Variants in CDAN1 observed in about 807,000 individuals in gnomAD.
CDAN1 encodes codanin 1.
In CDAN1, 107 loss-of-function variants were observed where a neutral mutation model predicts 139.8. The ratio of observed to expected loss-of-function variants is 0.77; its 90% confidence interval spans 0.65 to 0.90. The LOEUF is 0.90. Among genes scored for constraint, CDAN1 ranks in the 40% least tolerant of loss-of-function variants. CDAN1 has a pLI of 0.00. For missense variants in CDAN1, 1,667 were observed against 1,575.7 expected, an observed-to-expected ratio of 1.06 and a Z score of -0.98; for synonymous variants, 776 against 660.6, an observed-to-expected ratio of 1.17 and a Z score of -2.68.
At chr15:42,726,056 G>A (rs375739663) in intron 25 of CDAN1, 41 bp downstream of exon 25, 1 of 1,567,426 alleles carries the variant, frequency 6.4e-7, no homozygotes, top group Non-Finnish European at 8.8e-7. Flanking sequence ...TGAGATTTGG[G>A]GGATCAGGCA....
rs764485826 is a variant in CDAN1, at chr15:42,727,574, A to AG, written c.3096+46dup. ...AGAAAGGAAAAACCAGGAACAGAGCAGGGGGGTGGGAGCAGGGAAGCCAAA... is the reference window on the plus strand; with the variant it reads ...AGAAAGGAAAAACCAGGAACAGAGCAGGGGGGGTGGGAGCAGGGAAGCCAAA... On this transcript the variant is annotated intron_variant, in intron 23 of 27. Coordinates refer to ENST00000356231, the MANE Select transcript of CDAN1 (RefSeq NM_138477.4). 26 of 1,480,112 alleles carry AG rather than the reference A, an allele frequency of 1.8e-5. No individual in the cohort carries two copies. In the Middle Eastern group the frequency reaches 1.9e-3, roughly 110 times the overall value. 91.7% of individuals were successfully genotyped at this position (1,480,112 alleles called of 1,614,324 possible). A position where few individuals can be genotyped will look rare whatever the true frequency, so the allele number is the denominator to read the frequency against.
Position 42,724,614 on chromosome 15 carries a change from G to C in CDAN1, c.3561C>G (p.Asp1187Glu). ...GSLHQAQWPGDFAEELATLSN... is the reference protein window; with the variant it reads ...GSLHQAQWPGEFAEELATLSN... ...ACAGTGTTGCTAATTCTTCAGCAAA[G>C]TCCTGGAATACATAGAAAGATGAGG... The change falls in exon 28 of 28, where the codon GAC becomes GAG. Residue 1187 changes from aspartate (D) to glutamate (E), a missense_variant and splice_region_variant. Coordinates refer to ENST00000356231, the MANE Select transcript of CDAN1 (RefSeq NM_138477.4). The C allele has an allele frequency of 6.4e-7, 1 of 1,552,188 alleles. No individual in the cohort carries two copies. Among genetic ancestry groups the C allele is most frequent in the Non-Finnish European group, 8.7e-7 (1 of 1,147,038 alleles).
Position 42,725,680 on chromosome 15 carries a change from G to C in CDAN1, c.3269-10C>G. The C allele has an allele frequency of 6.2e-7, 1 of 1,613,966 alleles. No individual in the cohort carries two copies. The highest frequency in any genetic ancestry group is 1.7e-5 in the Admixed American group (1 of 59,998). On this transcript the variant is annotated splice_polypyrimidine_tract_variant and intron_variant, in intron 25 of 27. Transcript: ENST00000356231. ...GGAATTTGATCTGCAACTGTGGAAA[G>C]AGGAAAGCCAAGCTTTAAAAGATGG...
Position 42,735,125 on chromosome 15 carries a change from C to A in CDAN1, c.1111G>T (p.Val371Leu). 1 of 1,613,908 alleles carries A rather than the reference C, an allele frequency of 6.2e-7. No homozygotes were observed. The highest frequency in any genetic ancestry group is 1.1e-5 in the South Asian group (1 of 91,068). The change falls in exon 6 of 28, where the codon GTG becomes TTG. Residue 371 changes from valine to leucine, a missense_variant. Around this residue, in one of 3 missense-constraint regions of CDAN1, gnomAD observed 244 missense variants for 309.4 expected, o/e 0.79. Coordinates refer to ENST00000356231, the MANE Select transcript of CDAN1 (RefSeq NM_138477.4). The stretch of plus-strand genomic sequence containing the variant: ...TGAAAGTGACACTCCAAAACCTGCA[C>A]TGCAAAGAAGACACAATCGTGGATG... ...QSIHDCVFFA[V>L]QVLECHFQVL...
Position 42,730,709 on chromosome 15 carries a change from CGGCG to C in CDAN1, c.2059_2062del (p.Arg687GlyfsTer53). 6.2e-7 allele frequency: 1 copy of C among 1,613,458 alleles called. No homozygotes were observed. Among genetic ancestry groups the C allele is most frequent in the Non-Finnish European group, 8.5e-7 (1 of 1,179,714 alleles). On this transcript the variant is annotated frameshift_variant, in exon 14 of 28. Coordinates refer to ENST00000356231, the MANE Select transcript of CDAN1 (RefSeq NM_138477.4). LOFTEE classifies it high-confidence loss of function. ...CAGCCAGGGCACGGTGAGCACCGCCCGGCGGGCCTGCAGCCCTCGCTGCAGCAGA... is the reference window on the plus strand; with the variant it reads ...CAGCCAGGGCACGGTGAGCACCGCCCGGCCTGCAGCCCTCGCTGCAGCAGA...
At chr15:42,728,515 T>TTATAGAGA in intron 20 of CDAN1, 137 bp downstream of exon 20, 1 of 1,296,360 alleles carries the variant, frequency 7.7e-7, no homozygotes, top group Non-Finnish European at 1.1e-6. Context: ...AGTGCAGGGC[T>TTATAGAGA]TATAGAGAAT....
chr15:42,725,576 C>G lies in CDAN1; in HGVS notation c.3363G>C (p.Trp1121Cys), dbSNP rs1367139829. 2.5e-6 allele frequency: 4 copies of G among 1,614,050 alleles called. No homozygotes were observed. Among genetic ancestry groups the G allele is most frequent in the Non-Finnish European group, 3.4e-6 (4 of 1,180,046 alleles). Residue 1121 changes from tryptophan (W) to cysteine (C), a missense_variant, in exon 26 of 28, where the codon TGG (tryptophan) becomes TGC (cysteine). Around this residue, in one of 3 missense-constraint regions of CDAN1, gnomAD observed 936 missense variants for 844.1 expected, o/e 1.11. Transcript: ENST00000356231. ...GAACCGGCCCCTGAAAGTCTTCCTT[C>G]CACAAGGAAAGCAGCATGTGCAGAA... ...RRLLHMLLSL[W>C]KEDFQGPVPL...
chr15:42,729,278 G>GT lies in CDAN1; in HGVS notation c.2491dup (p.Thr831AsnfsTer173), dbSNP rs1566982531. ...AGGCTGGGCTCCCAGGCTGGTGGTA[G>GT]TGGTGGGGGTGATTTTCCTCATGAA... On this transcript the variant is annotated frameshift_variant, in exon 18 of 28. Transcript: ENST00000356231. LOFTEE classifies it high-confidence loss of function. The GT allele has an allele frequency of 1.2e-6, 2 of 1,613,978 alleles. No individual in the cohort carries two copies. Among genetic ancestry groups the GT allele is most frequent in the South Asian group, 2.2e-5 (2 of 91,082 alleles).
intron 12 of CDAN1, 62 bp downstream of exon 12, chr15:42,731,149 T>C: frequency 6.2e-7 from 1 of 1,614,212 alleles, no homozygotes; most frequent in Non-Finnish European, 8.5e-7. Context: ...AAAGTTTTTC[T>C]TGAACATACT....
At chr15:42,726,585 A>G (rs1271918060) in intron 23 of CDAN1, 168 bp from the exon 24 acceptor site, 2 of 611,258 alleles carry the variant, frequency 3.3e-6, no homozygotes, top group Non-Finnish European at 5.9e-6. Context: ...AGGATAATAC[A>G]GCCAGGGGAA....
rs537770681 is a variant in CDAN1, at chr15:42,724,377, G to A, written c.*114C>T. 5.1e-5 allele frequency: 71 copies of A among 1,403,916 alleles called. 1 individual carries two copies. The Admixed American group carries it at 8.3e-4, about 16-fold the overall frequency. 87.0% of individuals were successfully genotyped at this position (1,403,916 alleles called of 1,614,324 possible). ...CACCCTTAGAGCAGGAAGTCTGACT[G>A]TAGACCCAGCTACACCCCAACCAGT... On this transcript the variant is annotated 3_prime_UTR_variant, in exon 28 of 28. Coordinates refer to ENST00000356231, the MANE Select transcript of CDAN1 (RefSeq NM_138477.4).
chr15:42,728,723 T>C lies in CDAN1; in HGVS notation c.2733A>G (p.Pro911=). Residue 911 remains proline (P), a synonymous_variant, in exon 20 of 28, where the codon CCA becomes CCG. Coordinates refer to ENST00000356231, the MANE Select transcript of CDAN1 (RefSeq NM_138477.4). ...LVTQGEEGGD[P]AQLLEILCSQ... is the part of the protein sequence containing the mutation. ...AACACAAGATCTCCAACAGCTGGGC[T>C]GGGTCTCCCCCTTCCTCTCCCTGTG... The C allele has an allele frequency of 6.2e-7, 1 of 1,614,190 alleles. No homozygotes were observed. The highest frequency in any genetic ancestry group is 8.5e-7 in the Non-Finnish European group (1 of 1,180,040).
chr15:42,728,577 A>G, intron 20 of CDAN1, 75 bp downstream of exon 20: 1 of 1,577,360 alleles, frequency 6.3e-7, no homozygotes, highest in Non-Finnish European at 8.7e-7. Context: ...GGGAAAAAAG[A>G]GTAAGTGTGA....
At chr15:42,728,593 G>T (rs2061564098) in intron 20 of CDAN1, 59 bp downstream of exon 20, 1 of 1,602,752 alleles carries the variant, frequency 6.2e-7, no homozygotes, top group Non-Finnish European at 8.5e-7. Flanking sequence ...TGTGAAGGAG[G>T]AAAGAAAGGA....
chr15:42,735,129 A>G lies in CDAN1; in HGVS notation c.1107T>C (p.Phe369=). Residue 369 remains phenylalanine (F), a synonymous_variant, in exon 6 of 28, where the codon TTT becomes TTC. Transcript: ENST00000356231. ...AGTGACACTCCAAAACCTGCACTGC[A>G]AAGAAGACACAATCGTGGATGCTTT... ...LFQSIHDCVF[F]AVQVLECHFQ... 1 of 1,614,048 alleles carries G rather than the reference A, an allele frequency of 6.2e-7. No homozygotes were observed. Among genetic ancestry groups the G allele is most frequent in the South Asian group, 1.1e-5 (1 of 91,080 alleles).
rs188958310 is a variant in CDAN1, at chr15:42,726,671, C to T, written c.3097-254G>A. On this transcript the variant is annotated intron_variant, in intron 23 of 27. Coordinates refer to ENST00000356231, the MANE Select transcript of CDAN1 (RefSeq NM_138477.4). ...CAGTAGGCTGCCATAGCATGGGAAA[C>T]GTCACTCAACTTGGGACCAAACTGT... 567 of 560,536 alleles carry T rather than the reference C, an allele frequency of 1.0e-3. 1 individual carries two copies. The highest frequency in any genetic ancestry group is 9.6e-3 in the African/African-American group (512 of 53,326). The allele number at this position is 560,536 out of a possible 1,614,324, so 34.7% of individuals were successfully genotyped here. A position where few individuals can be genotyped will look rare whatever the true frequency, so the allele number is the denominator to read the frequency against.
In CDAN1 at chr15:42,729,904, T is replaced by C; in HGVS notation, c.2263-19A>G. 6.2e-7 allele frequency: 1 copy of C among 1,603,918 alleles called. No homozygotes were observed. The highest frequency in any genetic ancestry group is 1.1e-5 in the South Asian group (1 of 90,388). ...TGGGAATCTGGCAAGACAGTCACAA[T>C]TCAGGTCAACTTCAGAGACCCCCAC... On this transcript the variant is annotated intron_variant, in intron 15 of 27. Transcript: ENST00000356231.
At chr15:42,731,534 G>C (rs2061611392) in intron 11 of CDAN1, 86 bp downstream of exon 11, 1 of 1,474,704 alleles carries the variant, frequency 6.8e-7, no homozygotes, top group Non-Finnish European at 9.5e-7. Flanking sequence ...TCCAGGCAAA[G>C]GAGACTGGAG....
chr15:42,736,667 C>A lies in CDAN1; in HGVS notation c.204G>T (p.Gly68=). 3 of 1,542,466 alleles carry A rather than the reference C, an allele frequency of 1.9e-6. No individual in the cohort carries two copies. The highest frequency in any genetic ancestry group is 2.6e-6 in the Non-Finnish European group (3 of 1,146,434). ...REQSSRVLPQ[G]PPTPAKTPGA... Reference sequence around the variant, plus strand: ...CCGGGGTCTTGGCGGGGGTCGGGGGCCCCTGCGGGAGGACGCGGCTGCTCT... The same window carrying A: ...CCGGGGTCTTGGCGGGGGTCGGGGGACCCTGCGGGAGGACGCGGCTGCTCT... Residue 68 remains glycine, a synonymous_variant, in exon 2 of 28, where the codon GGG becomes GGT. Coordinates refer to ENST00000356231, the MANE Select transcript of CDAN1 (RefSeq NM_138477.4).
Sources: allele counts gnomAD v4.1 joint callset, GRCh38; gene constraint gnomAD v4.1.1; regional missense constraint gnomAD v4.1.1; transcripts MANE v1.5; gene names NCBI Gene and HGNC (gene_info 2026-07-23, HGNC 2026-07-21).